Variants in FBXL17 observed in about 807,000 individuals in gnomAD.
The protein encoded by FBXL17 is F-box/LRR-repeat protein 17.
FBXL17 carries 22 observed loss-of-function variants against 66.2 expected under a neutral mutation model. The ratio of observed to expected loss-of-function variants is 0.33; its 90% CI spans 0.24 to 0.47. The LOEUF is 0.47. FBXL17 is among the 20% of genes least tolerant of loss of function. FBXL17 has a pLI of 1.00. For synonymous variants in FBXL17, 474 were observed against 400.5 expected (o/e 1.18, Z -2.19); for missense variants, 878 against 948.2 (o/e 0.93, Z 0.97).
chr5:107,902,042 G>T (rs1205785777), intron 7 of FBXL17, among the ~76,000 whole-genome samples: 2 of 152,118 alleles, frequency 1.3e-5, no homozygotes, highest in Admixed American at 6.6e-5. Flanking sequence ...ACCAAAACAA[G>T]ACAAAAGAAA....
In FBXL17 at chr5:108,381,914, C is replaced by A. The variant is rs1173671988; in HGVS notation, c.-223G>T. On this transcript the variant is annotated 5_prime_UTR_variant, in exon 1 of 9. Transcript: ENST00000542267. ...GGCTACATGCTTTGCCCAGGGAAGC[C>A]GGGAGAACGATGGGCGCGAGCTTTG... The A allele has an allele frequency of 4.0e-6, 5 of 1,258,426 alleles. No homozygotes were observed. The highest frequency in any genetic ancestry group is 5.0e-6 in the Non-Finnish European group (5 of 1,001,698). 78.0% of individuals were successfully genotyped at this position (1,258,426 alleles called of 1,614,324 possible). A position where few individuals can be genotyped will look rare whatever the true frequency, so the allele number is the denominator to read the frequency against.
chr5:108,099,840 T>C (rs1749534108), intron 6 of FBXL17, among the ~76,000 whole-genome samples: 1 of 152,212 alleles, frequency 6.6e-6, no homozygotes, highest in Admixed American at 6.5e-5. Context: ...TCATCTTTCA[T>C]TCTCTTAACT....
chr5:108,071,615 T>C (rs188479032), intron 6 of FBXL17, among the ~76,000 whole-genome samples: 1 of 109,146 alleles, frequency 9.2e-6, no homozygotes, highest in Non-Finnish European at 2.0e-5. Flanking sequence ...CTTCTCTCTT[T>C]CTCTTTCTTT....
chr5:108,118,077 C>G (rs567428243), intron 6 of FBXL17, among the ~76,000 whole-genome samples: 1 of 152,244 alleles, frequency 6.6e-6, no homozygotes, highest in Non-Finnish European at 1.5e-5. Context: ...ATAGTTCTAC[C>G]TCAGGATTTT....
Position 108,216,324 on chromosome 5 carries a change from G to A in FBXL17, c.1614+7797C>T, listed in dbSNP as rs373016195. On this transcript the variant is annotated intron_variant, in intron 5 of 8. Coordinates refer to ENST00000542267, the MANE Select transcript of FBXL17 (RefSeq NM_001163315.3). ...TATTAAGTATTTTAAGATGAATAGT[G>A]GATGCCTTTTCATTATGTAGGTCTT... Among the ~76,000 whole-genome samples, 6 of 152,062 alleles carry A rather than the reference G, an allele frequency of 3.9e-5. No homozygotes were observed. The East Asian group carries it at 9.7e-4, about 25-fold the overall frequency.
At chr5:108,289,435 T>C (rs1218807085) in intron 4 of FBXL17, among the ~76,000 whole-genome samples, 1 of 152,096 alleles carries the variant, frequency 6.6e-6, no homozygotes. Flanking sequence ...AAATAAACAA[T>C]GGACCAAGAC....
chr5:108,374,814 T>C (rs1030594142), intron 1 of FBXL17, among the ~76,000 whole-genome samples: 2 of 151,948 alleles, frequency 1.3e-5, no homozygotes, highest in African/African-American at 4.8e-5. Context: ...TAAAGAAAAC[T>C]AGAAAATAAT....
intron 7 of FBXL17, among the ~76,000 whole-genome samples, chr5:108,003,460 A>C (rs755489397): frequency 6.6e-6 from 1 of 152,206 alleles, no homozygotes; most frequent in Non-Finnish European, 1.5e-5. Context: ...AAACAAAACA[A>C]AACAAAAAAC....
intron 4 of FBXL17, among the ~76,000 whole-genome samples, chr5:108,290,799 T>C (rs1238880691): frequency 6.6e-6 from 1 of 152,206 alleles, no homozygotes; most frequent in Non-Finnish European, 1.5e-5. Flanking sequence ...GGGGTTGTTA[T>C]TGCAAATAAT....
chr5:107,953,578 C>T (rs1350233886), intron 7 of FBXL17, among the ~76,000 whole-genome samples: 1 of 152,004 alleles, frequency 6.6e-6, no homozygotes, highest in African/African-American at 2.4e-5. Context: ...CTCATTTGTT[C>T]TCTTGTATAT....
chr5:108,080,799 CTGAGT>C (rs1205985853), intron 6 of FBXL17, among the ~76,000 whole-genome samples: 2 of 148,036 alleles, frequency 1.4e-5, no homozygotes. Flanking sequence ...AAAAGAGTAT[CTGAGT>C]TAAGATAAGG....
In FBXL17 at chr5:108,381,323, C is replaced by G; in HGVS notation, c.369G>C (p.Ser123=). ...AAAARRFLLS[S]AAAAAAAAAS... is the part of the protein sequence containing the mutation. ...CGGCAGCGGCGGCGGCGGCGGCGGC[C>G]GAGGATAGCAGGAAGCGGCGGGCAG... Residue 123 remains serine (S), a synonymous_variant, in exon 1 of 9, where the codon TCG becomes TCC. Coordinates refer to ENST00000542267, the MANE Select transcript of FBXL17 (RefSeq NM_001163315.3). The G allele has an allele frequency of 7.2e-7, 1 of 1,388,220 alleles. No homozygotes were observed. Among genetic ancestry groups the G allele is most frequent in the Admixed American group, 3.2e-5 (1 of 31,024 alleles). The allele number at this position is 1,388,220 out of a possible 1,614,324, so 86.0% of individuals were successfully genotyped here.
At chr5:107,866,965 T>C (rs1352177135) in intron 8 of FBXL17, among the ~76,000 whole-genome samples, 1 of 152,188 alleles carries the variant, frequency 6.6e-6, no homozygotes, top group Non-Finnish European at 1.5e-5. Context: ...GTCAAATCCC[T>C]AGCACATAGT....
At position 107,916,815 on chromosome 5, in the gene FBXL17, C is replaced by G. The variant is rs546367068; in HGVS notation, c.1823-35636G>C. ...TAATGTACATAGTTCACCTTCAGAA[C>G]AGACTGAATGAGAAAATGCCTCAAA... On this transcript the variant is annotated intron_variant, in intron 7 of 8. Transcript: ENST00000542267. 5.9e-5 allele frequency among the ~76,000 whole-genome samples: 9 copies of G among 152,270 alleles called. No homozygotes were observed. The South Asian group carries it at 1.9e-3, about 32-fold the overall frequency.
At chr5:108,100,151 T>C (rs1749544963) in intron 6 of FBXL17, among the ~76,000 whole-genome samples, 1 of 152,124 alleles carries the variant, frequency 6.6e-6, no homozygotes, top group Non-Finnish European at 1.5e-5. Context: ...GGAGTAAAAA[T>C]AGATTATTTA....
rs187493500 is a variant in FBXL17, at chr5:108,034,127, C to T, written c.1746-13126G>A. On this transcript the variant is annotated intron_variant, in intron 6 of 8. Transcript: ENST00000542267. ...TCTATTTATTTCATCACCTTTATTC[C>T]AAGCAACCTACATATCCAGCAACGA... 1.9e-3 allele frequency among the ~76,000 whole-genome samples: 283 copies of T among 152,190 alleles called. 1 individual carries two copies. Among genetic ancestry groups the T allele is most frequent in the South Asian group, 3.7e-3 (18 of 4,822 alleles).
chr5:108,169,850 A>G (rs190224122), intron 6 of FBXL17, among the ~76,000 whole-genome samples: 3 of 152,280 alleles, frequency 2.0e-5, no homozygotes, highest in Admixed American at 6.5e-5. Context: ...TTTGATTGCT[A>G]TCCAATCAAT....
intron 8 of FBXL17, among the ~76,000 whole-genome samples, chr5:107,871,069 A>AAAACAAAACAAAAC (rs1554080842): frequency 8.4e-5 from 11 of 130,236 alleles, no homozygotes; most frequent in African/African-American, 3.5e-4. Flanking sequence ...AAAAAAAAAA[A>AAAACAAAACAAAAC]AAAAAAAAAA....
intron 4 of FBXL17, among the ~76,000 whole-genome samples, chr5:108,303,632 AT>A (rs1240876247): frequency 6.6e-6 from 1 of 151,952 alleles, no homozygotes; most frequent in Non-Finnish European, 1.5e-5. Context: ...AAGTGGAAGT[AT>A]TTTAACTACA....
Sources: allele counts gnomAD v4.1 joint callset (sites outside exome capture counted in the v4.1 genomes callset), GRCh38; gene constraint gnomAD v4.1.1; transcripts MANE v1.5; gene names NCBI Gene and HGNC (gene_info 2026-07-23, HGNC 2026-07-21).